Variants in MYH9 observed in about 807,000 individuals in gnomAD.
MYH9 encodes myosin heavy chain 9.
MYH9 carries 29 observed loss-of-function variants against 241.9 expected under a neutral mutation model. That is an observed-to-expected ratio of 0.12 (90% CI 0.09 to 0.16). The LOEUF is 0.16. MYH9 is among the 10% of genes least tolerant of loss of function. MYH9 has a pLI of 1.00. For missense variants in MYH9, 1,803 were observed against 2,595.5 expected (o/e 0.69, Z 6.63); for synonymous variants, 1,047 against 1,062.6 (o/e 0.99, Z 0.29).
intron 15 of MYH9, 31 bp downstream of exon 15, chr22:36,309,248 AGAG>A: frequency 6.4e-7 from 1 of 1,571,452 alleles, no homozygotes; most frequent in Non-Finnish European, 8.8e-7. Context: ...GCCGCAGCCA[AGAG>A]GAGGCAGGGG....
intron 1 of MYH9, among the ~76,000 whole-genome samples, chr22:36,362,258 T>A (rs1603484324): frequency 6.6e-6 from 1 of 152,052 alleles, no homozygotes; most frequent in East Asian, 1.9e-4. Context: ...GCCATAGACT[T>A]TACCCTCTGA....
rs374467213 is a variant in MYH9 at position 36,304,166 on chromosome 22, G to T, written c.2230-11C>A. On this transcript the variant is annotated splice_polypyrimidine_tract_variant and intron_variant, in intron 18 of 40. Coordinates refer to ENST00000216181, the MANE Select transcript of MYH9 (RefSeq NM_002473.6). ...CTCCAGGGCTTTTATCTAGGTGGGA[G>T]GAGCAGGCCGTTTACCTGGCCAGCA... 10 of 1,613,084 alleles carry T rather than the reference G, an allele frequency of 6.2e-6. No homozygotes were observed. Among genetic ancestry groups the T allele is most frequent in the Non-Finnish European group, 8.5e-6 (10 of 1,180,004 alleles).
chr22:36,296,852 G>A lies in MYH9; in HGVS notation c.3263C>T (p.Ala1088Val), dbSNP rs781510274. Residue 1088 changes from alanine (A) to valine (V), a missense_variant, in exon 25 of 41, where the codon GCC becomes GTC. By Grantham distance (64) the Ala-to-Val change is moderately conservative. Transcript: ENST00000216181. ...LAKKEEELQA[A>V]LARVEEEAAQ... The stretch of plus-strand genomic sequence containing the variant: ...CAGGCGGGGTCCTCACCTGGCCAGG[G>A]CGGCCTGGAGCTCCTCCTCTTTCTT... 13 of 1,610,276 alleles carry A rather than the reference G, an allele frequency of 8.1e-6. No homozygotes were observed. Among genetic ancestry groups the A allele is most frequent in the Non-Finnish European group, 1.1e-5 (13 of 1,179,044 alleles).
At chr22:36,328,655 T>C (rs1603483599) in intron 3 of MYH9, among the ~76,000 whole-genome samples, 1 of 152,374 alleles carries the variant, frequency 6.6e-6, no homozygotes, top group South Asian at 2.1e-4. Context: ...CACAAACGGT[T>C]GCTGTCTATA....
chr22:36,350,479 G>A (rs1306094896), intron 1 of MYH9, among the ~76,000 whole-genome samples: 4 of 152,212 alleles, frequency 2.6e-5, no homozygotes, highest in African/African-American at 9.7e-5. Context: ...GGGGGTTGTG[G>A]TGAGCCGAGA....
At chr22:36,304,975 G>A (rs1443968914) in intron 18 of MYH9, 58 bp downstream of exon 18, 1 of 1,548,792 alleles carries the variant, frequency 6.5e-7, no homozygotes, top group Non-Finnish European at 8.9e-7. Context: ...GGCCACGTGG[G>A]CACTCCCCAG....
intron 5 of MYH9, among the ~76,000 whole-genome samples, chr22:36,325,691 G>A (rs539102478): frequency 2.6e-5 from 4 of 152,350 alleles, no homozygotes; most frequent in South Asian, 2.1e-4. Context: ...CCCATCCACC[G>A]TGCCGGGGTC....
chr22:36,329,537 G>A lies in MYH9; in HGVS notation c.491-2049C>T, dbSNP rs566155605. On this transcript the variant is annotated intron_variant, in intron 3 of 40. Coordinates refer to ENST00000216181, the MANE Select transcript of MYH9 (RefSeq NM_002473.6). This position sits in a 1 kb window ranked among gnomAD's most constrained non-coding sequence, Gnocchi z 4.1. The stretch of plus-strand genomic sequence containing the variant: ...CCAGCTGTGGGCATGTTTAGTCACC[G>A]GCTCTACTAGCAGGCAAGAATGTAC... Among the ~76,000 whole-genome samples the A allele has an allele frequency of 2.1e-3, 321 of 152,310 alleles. 1 individual carries two copies. Among genetic ancestry groups the A allele is most frequent in the African/African-American group, 7.1e-3 (296 of 41,560 alleles).
intron 1 of MYH9, among the ~76,000 whole-genome samples, chr22:36,361,299 C>T (rs987360538): frequency 2.0e-5 from 3 of 152,110 alleles, no homozygotes; most frequent in Admixed American, 1.3e-4. Flanking sequence ...ACTTAGTGCC[C>T]GGGCCCCAGA....
chr22:36,283,949 G>T, intron 40 of MYH9, 144 bp downstream of exon 40: 1 of 977,564 alleles, frequency 1.0e-6, no homozygotes, highest in Non-Finnish European at 1.6e-6. Context: ...AGCCTCAAAG[G>T]CAAGGAGCCA....
intron 1 of MYH9, among the ~76,000 whole-genome samples, chr22:36,363,560 A>G (rs1364498842): frequency 6.6e-6 from 1 of 152,164 alleles, no homozygotes; most frequent in African/African-American, 2.4e-5. Flanking sequence ...CTAGGGCTGG[A>G]TCTGCAGATA....
intron 1 of MYH9, among the ~76,000 whole-genome samples, chr22:36,357,427 GT>G (rs532179906): frequency 2.6e-3 from 390 of 152,288 alleles, no homozygotes; most frequent in African/African-American, 9.1e-3. Context: ...ATCCTTTGTG[GT>G]GGGGCTGTCC....
chr22:36,314,048 CA>C, intron 13 of MYH9, 96 bp downstream of exon 13: 1 of 1,459,780 alleles, frequency 6.9e-7, no homozygotes, highest in Non-Finnish European at 9.6e-7. Flanking sequence ...GGAGTTAAGA[CA>C]CCTCCACAAC....
At position 36,387,931 on chromosome 22, in the gene MYH9, G is replaced by A. The variant is rs1413430795; in HGVS notation, c.-144C>T. ...AGCTGCAGCAGGTCAGCCTTGCTTA[G>A]CCTTCCGTGCCCTGCCCAGGAACCG... On this transcript the variant is annotated 5_prime_UTR_variant, in exon 1 of 41. Coordinates refer to ENST00000216181, the MANE Select transcript of MYH9 (RefSeq NM_002473.6). 6.6e-6 allele frequency: 1 copy of A among 152,106 alleles called. No homozygotes were observed. The highest frequency in any genetic ancestry group is 1.5e-5 in the Non-Finnish European group (1 of 68,014). 9.4% of individuals were successfully genotyped at this position (152,106 alleles called of 1,614,324 possible).
Position 36,303,975 on chromosome 22 carries a change from G to C in MYH9, c.2390+20C>G. 1 of 1,613,024 alleles carries C rather than the reference G, an allele frequency of 6.2e-7. No individual in the cohort carries two copies. Among genetic ancestry groups the C allele is most frequent in the Non-Finnish European group, 8.5e-7 (1 of 1,179,906 alleles). ...TGGCAAGGCCTGGCATGCGGGGCAG[G>C]AGTATCTCCCGGGACTCACTTCCTG... On this transcript the variant is annotated intron_variant, in intron 19 of 40. Transcript: ENST00000216181.
intron 12 of MYH9, among the ~76,000 whole-genome samples, chr22:36,314,735 G>A (rs368335441): frequency 4.6e-5 from 7 of 151,632 alleles, no homozygotes; most frequent in South Asian, 2.1e-4. Context: ...TGCAGCCTCC[G>A]CTTCCTGGGC....
At chr22:36,309,696 T>A (rs1254312589) in intron 14 of MYH9, among the ~76,000 whole-genome samples, 11 of 152,238 alleles carry the variant, frequency 7.2e-5, no homozygotes, top group African/African-American at 1.2e-4. Context: ...TCAGCTTTTT[T>A]AAAATTTTTA....
At chr22:36,371,781 C>T (rs1259335497) in intron 1 of MYH9, among the ~76,000 whole-genome samples, 2 of 152,000 alleles carry the variant, frequency 1.3e-5, no homozygotes, top group East Asian at 1.9e-4. Context: ...GTGATCCGCC[C>T]GCCTCGGCCT....
In MYH9 at chr22:36,288,934, G is replaced by A. The variant is rs11549907; in HGVS notation, c.4563C>T (p.His1521=). 30,086 of 1,613,760 alleles carry A rather than the reference G, an allele frequency of 0.019. 727 individuals carry two copies. The highest frequency in any genetic ancestry group is 0.1 in the Admixed American group (6,271 of 60,020). Residue 1521 remains histidine (H), a synonymous_variant, in exon 33 of 41, where the codon CAC becomes CAT. Coordinates refer to ENST00000216181, the MANE Select transcript of MYH9 (RefSeq NM_002473.6). This position sits in a 1 kb window ranked among gnomAD's most constrained non-coding sequence, Gnocchi z 4.8. ...SSKDDVGKSV[H]ELEKSKRALE... ...GGGCCCGCTTGGACTTCTCCAGCTCGTGGACCTGAGCCCCAGAGAGCCCAA... is the reference window on the plus strand; with the variant it reads ...GGGCCCGCTTGGACTTCTCCAGCTCATGGACCTGAGCCCCAGAGAGCCCAA...
Sources: gnomAD v4.1 joint callset for allele counts (sites outside exome capture counted in the v4.1 genomes callset) on GRCh38, gnomAD v4.1.1 for gene constraint, Gnocchi (gnomAD v3.1) non-coding constraint, MANE v1.5 for transcripts, NCBI Gene and HGNC (gene_info 2026-07-23, HGNC 2026-07-21) for gene names.